Variants in MALRD1 observed in about 807,000 individuals in gnomAD.
MALRD1 encodes MAM and LDL-receptor class A domain-containing protein 1.
Under a neutral mutation model 242.1 loss-of-function variants are expected in MALRD1, and 247 were observed. The ratio of observed to expected loss-of-function variants is 1.02; its 90% CI spans 0.92 to 1.13. MALRD1 has a LOEUF of 1.13. Ranked by LOEUF, MALRD1 falls within the 50% of genes most tolerant of loss-of-function variation. The probability of loss-of-function intolerance (pLI) is 0.00; values close to 1 mark genes in which losing one functional copy is unlikely to be tolerated. For missense variants in MALRD1, 2,989 were observed against 2,533.1 expected (o/e 1.18, Z -3.86); for synonymous variants, 995 against 866.6 (o/e 1.15, Z -2.60).
intron 36 of MALRD1, among the ~76,000 whole-genome samples, chr10:19,626,237 A>G (rs1387233246): frequency 6.6e-6 from 1 of 152,102 alleles, no homozygotes; most frequent in East Asian, 1.9e-4. Context: ...TCTCCCTTCA[A>G]AAAATTTCAA....
chr10:19,530,523 A>G (rs1190983635), intron 31 of MALRD1, among the ~76,000 whole-genome samples: 1 of 144,570 alleles, frequency 6.9e-6, no homozygotes, highest in African/African-American at 2.5e-5. Context: ...CTTGAATGGG[A>G]CTACAAATAT....
At chr10:19,324,596 C>CT (rs1246240310) in intron 22 of MALRD1, among the ~76,000 whole-genome samples, 3 of 78,176 alleles carry the variant, frequency 3.8e-5, no homozygotes, top group Admixed American at 1.2e-4. Flanking sequence ...ACTCAGAGAT[C>CT]TTATTTTTTT....
chr10:19,279,011 C>T (rs761843015), intron 19 of MALRD1, among the ~76,000 whole-genome samples: 2 of 152,154 alleles, frequency 1.3e-5, no homozygotes, highest in Non-Finnish European at 2.9e-5. Context: ...CAGAGTTGGA[C>T]ACTGCACTCA....
Position 19,128,336 on chromosome 10 carries a change from C to A in MALRD1, c.1059C>A (p.Phe353Leu). 8.1e-7 allele frequency: 1 copy of A among 1,233,326 alleles called. No individual in the cohort carries two copies. Among genetic ancestry groups the A allele is most frequent in the Non-Finnish European group, 1.0e-6 (1 of 987,754 alleles). The allele number at this position is 1,233,326 out of a possible 1,614,324, so 76.4% of individuals were successfully genotyped here. ...HCLGKSCHLQ[F>L]YYAMESSVLR... is the part of the protein sequence containing the mutation. The stretch of plus-strand genomic sequence containing the variant: ...TGGGCAAGAGCTGTCATCTTCAATT[C>A]TATTATGCAATGGAAAGCAGTGTCC... Residue 353 changes from phenylalanine to leucine, a missense_variant, in exon 8 of 40, where the codon TTC becomes TTA. Physicochemically the swap from Phe to Leu is conservative, Grantham distance 22. Coordinates refer to ENST00000454679, the MANE Select transcript of MALRD1 (RefSeq NM_001142308.3).
intron 31 of MALRD1, among the ~76,000 whole-genome samples, chr10:19,499,710 T>TA (rs1189042972): frequency 2.6e-5 from 4 of 152,170 alleles, no homozygotes; most frequent in Admixed American, 6.5e-5. Flanking sequence ...ATATGCACAG[T>TA]AAAAAAGAAC....
rs990071712 is a variant in MALRD1, at chr10:19,498,479, C to T, written c.5159-6C>T. The stretch of plus-strand genomic sequence containing the variant: ...AGAAATTCCATTAATGTTTTTGCTT[C>T]CCCAGCACATTATACAAGCACAACA... On this transcript the variant is annotated splice_region_variant and splice_polypyrimidine_tract_variant and intron_variant, in intron 30 of 39. Coordinates refer to ENST00000454679, the MANE Select transcript of MALRD1 (RefSeq NM_001142308.3). The T allele has an allele frequency of 1.3e-5, 20 of 1,546,544 alleles. No homozygotes were observed. In the African/African-American group the frequency reaches 1.5e-4, roughly 12 times the overall value.
rs115742283 is a variant in MALRD1, at chr10:19,720,195, C to T, written c.6315-10511C>T. 2.7e-3 allele frequency among the ~76,000 whole-genome samples: 412 copies of T among 152,268 alleles called. 2 individuals carry two copies. Among genetic ancestry groups the T allele is most frequent in the African/African-American group, 9.4e-3 (391 of 41,554 alleles). On this transcript the variant is annotated intron_variant, in intron 38 of 39. Transcript: ENST00000454679. ...ATGAAAATGCCCCCAAAATCAAATTCTCTAAGGCGTTGTTGTGCTTCAAGA... is the reference window on the plus strand; with the variant it reads ...ATGAAAATGCCCCCAAAATCAAATTTTCTAAGGCGTTGTTGTGCTTCAAGA...
intron 13 of MALRD1, among the ~76,000 whole-genome samples, chr10:19,171,110 T>C (rs1011564503): frequency 1.4e-4 from 22 of 152,126 alleles, no homozygotes; most frequent in South Asian, 2.1e-4. Flanking sequence ...AAGTAATCAC[T>C]TGATTATGAA....
intron 10 of MALRD1, among the ~76,000 whole-genome samples, chr10:19,144,146 T>A (rs572278515): frequency 6.6e-6 from 1 of 152,316 alleles, no homozygotes; most frequent in African/African-American, 2.4e-5. Flanking sequence ...TTGTTTTTTA[T>A]TTGTAGGGAA....
At chr10:19,493,670 C>CAG (rs1837590019) in intron 30 of MALRD1, among the ~76,000 whole-genome samples, 4 of 141,306 alleles carry the variant, frequency 2.8e-5, no homozygotes, top group African/African-American at 1.1e-4. Context: ...AAAAATTAGC[C>CAG]GTTCCTGGTG....
intron 32 of MALRD1, among the ~76,000 whole-genome samples, chr10:19,532,428 G>T (rs1277463401): frequency 2.0e-5 from 3 of 152,072 alleles, no homozygotes; most frequent in African/African-American, 4.8e-5. Context: ...CTAATTTTTT[G>T]TACTTTTAGT....
At chr10:19,342,389 A>G (rs1843925183) in intron 24 of MALRD1, among the ~76,000 whole-genome samples, 1 of 152,264 alleles carries the variant, frequency 6.6e-6, no homozygotes, top group Admixed American at 6.6e-5. Flanking sequence ...TATTTGGTAA[A>G]CATTAGGCAC....
chr10:19,472,134 G>T (rs958141291), intron 29 of MALRD1, among the ~76,000 whole-genome samples: 1 of 151,958 alleles, frequency 6.6e-6, no homozygotes, highest in Non-Finnish European at 1.5e-5. Context: ...TTTGTCAAAT[G>T]CTTTTTCTCC....
intron 20 of MALRD1, among the ~76,000 whole-genome samples, chr10:19,280,646 A>C (rs1840758108): frequency 6.6e-6 from 1 of 152,220 alleles, no homozygotes; most frequent in Non-Finnish European, 1.5e-5. Flanking sequence ...GTACTATTAA[A>C]ATATGCAGAG....
At chr10:19,499,576 A>T (rs1837878938) in intron 31 of MALRD1, among the ~76,000 whole-genome samples, 1 of 152,160 alleles carries the variant, frequency 6.6e-6, no homozygotes, top group African/African-American at 2.4e-5. Flanking sequence ...TGGACTTGGC[A>T]GCCTTCATAA....
chr10:19,056,631 A>G (rs931841112), intron 1 of MALRD1, among the ~76,000 whole-genome samples: 1 of 152,108 alleles, frequency 6.6e-6, no homozygotes, highest in Non-Finnish European at 1.5e-5. Flanking sequence ...ATCTGCAAAC[A>G]GGTACACTTT....
chr10:19,517,324 T>A (rs2358412), intron 31 of MALRD1, among the ~76,000 whole-genome samples: 2 of 151,940 alleles, frequency 1.3e-5, no homozygotes, highest in Non-Finnish European at 2.9e-5. Context: ...GGTGAAAACA[T>A]GGGCAATTTC....
intron 2 of MALRD1, among the ~76,000 whole-genome samples, chr10:19,071,705 A>G (rs903211419): frequency 1.3e-5 from 2 of 152,062 alleles, no homozygotes; most frequent in Non-Finnish European, 2.9e-5. Flanking sequence ...ATCCATTCCT[A>G]AGTAATAGGT....
At chr10:19,447,446 A>AT (rs988458917) in intron 28 of MALRD1, among the ~76,000 whole-genome samples, 4 of 150,762 alleles carry the variant, frequency 2.7e-5, no homozygotes, top group Non-Finnish European at 4.4e-5. Flanking sequence ...TAATTTACCC[A>AT]TTTTTTTTTC....
Sources: allele counts gnomAD v4.1 joint callset (sites outside exome capture counted in the v4.1 genomes callset), GRCh38; gene constraint gnomAD v4.1.1; transcripts MANE v1.5; gene names NCBI Gene and HGNC (gene_info 2026-07-23, HGNC 2026-07-21).